NAALADL2: variants seen among roughly 807,000 people sequenced by gnomAD.
NAALADL2 encodes inactive N-acetylated-alpha-linked acidic dipeptidase-like protein 2.
A neutral mutation model predicts 87.2 loss-of-function variants in NAALADL2; 76 were observed. The observed-to-expected ratio is 0.87, with a 90% CI of 0.72 to 1.05. NAALADL2 has a LOEUF of 1.05. Ranked by LOEUF, NAALADL2 falls within the 50% of genes least tolerant of loss-of-function variation. NAALADL2 has a pLI of 0.00. For synonymous variants in NAALADL2, 354 were observed against 331.0 expected, an observed-to-expected ratio of 1.07 and a Z score of -0.75; for missense variants, 1,089 against 945.8, an observed-to-expected ratio of 1.15 and a Z score of -1.99.
At chr3:175,522,176 T>G (rs1195545662) in intron 9 of NAALADL2, among the ~76,000 whole-genome samples, 3 of 152,218 alleles carry the variant, frequency 2.0e-5, no homozygotes, top group African/African-American at 7.2e-5. Context: ...CTTTGCTTTA[T>G]TCTCTTCTAA....
At chr3:175,591,446 T>G in intron 10 of NAALADL2, among the ~76,000 whole-genome samples, 1 of 137,420 alleles carries the variant, frequency 7.3e-6, no homozygotes, top group East Asian at 1.9e-4. Context: ...CAGAAAATAA[T>G]TTTTTTTTTA....
chr3:174,557,300 C>G (rs1712955345), intron 2 of NAALADL2, among the ~76,000 whole-genome samples: 1 of 152,114 alleles, frequency 6.6e-6, no homozygotes, highest in African/African-American at 2.4e-5. Context: ...TATTTTTAAA[C>G]TACTATGAAT....
intron 5 of NAALADL2, among the ~76,000 whole-genome samples, chr3:175,434,579 CATAAA>C (rs1718312404): frequency 6.6e-6 from 1 of 151,966 alleles, no homozygotes; most frequent in African/African-American, 2.4e-5. Context: ...TAATCAGTCT[CATAAA>C]ATAATGTGTG....
chr3:175,207,441 G>A (rs1741110633), intron 2 of NAALADL2, among the ~76,000 whole-genome samples: 1 of 151,778 alleles, frequency 6.6e-6, no homozygotes, highest in Non-Finnish European at 1.5e-5. Flanking sequence ...TGGATTTTTG[G>A]AGTGACTTAC....
intron 10 of NAALADL2, among the ~76,000 whole-genome samples, chr3:175,577,524 T>G (rs1719073746): frequency 1.3e-5 from 2 of 152,154 alleles, no homozygotes; most frequent in Non-Finnish European, 2.9e-5. Flanking sequence ...GAGAAGATTT[T>G]GAAACAGGGA....
chr3:174,904,025 G>A (rs1051807450), intron 1 of NAALADL2, among the ~76,000 whole-genome samples: 3 of 149,782 alleles, frequency 2.0e-5, no homozygotes, highest in Non-Finnish European at 1.5e-5. Flanking sequence ...ATCTATTTGA[G>A]TTTCTAGATA....
intron 1 of NAALADL2, among the ~76,000 whole-genome samples, chr3:174,442,284 TG>T (rs1714712492): frequency 6.6e-6 from 1 of 152,158 alleles, no homozygotes; most frequent in Non-Finnish European, 1.5e-5. Flanking sequence ...ACTGGATTCT[TG>T]GTATTTTAAG....
chr3:175,185,384 C>G (rs897990035), intron 2 of NAALADL2, among the ~76,000 whole-genome samples: 1 of 151,412 alleles, frequency 6.6e-6, no homozygotes, highest in Non-Finnish European at 1.5e-5. Flanking sequence ...TGTAAATCAC[C>G]CTAAATAGGT....
intron 10 of NAALADL2, among the ~76,000 whole-genome samples, chr3:175,602,389 T>C (rs1723079172): frequency 6.6e-6 from 1 of 152,026 alleles, no homozygotes; most frequent in African/African-American, 2.4e-5. Flanking sequence ...CAGTGATAAG[T>C]ACTATATATC....
chr3:175,400,029 T>C (rs148928722), intron 5 of NAALADL2, among the ~76,000 whole-genome samples: 123 of 152,234 alleles, frequency 8.1e-4, no homozygotes, highest in African/African-American at 2.9e-3. Context: ...GATTTTTATT[T>C]GAAAGATAAG....
chr3:174,926,059 T>C (rs1396443044), intron 1 of NAALADL2, among the ~76,000 whole-genome samples: 4 of 152,114 alleles, frequency 2.6e-5, no homozygotes, highest in Non-Finnish European at 5.9e-5. Context: ...ATGTGAGGAA[T>C]GCACAAGCTT....
chr3:175,482,776 G>A (rs1041721999), intron 9 of NAALADL2, among the ~76,000 whole-genome samples: 2 of 151,476 alleles, frequency 1.3e-5, no homozygotes, highest in African/African-American at 2.4e-5. Flanking sequence ...TCTGATATTG[G>A]TCTGGAAAAT....
chr3:174,508,113 G>GTTTTTTT (rs1560020933), intron 1 of NAALADL2, among the ~76,000 whole-genome samples: 3 of 92,938 alleles, frequency 3.2e-5, no homozygotes, highest in East Asian at 3.2e-4. Context: ...GATATCTAGT[G>GTTTTTTT]GTTTTTTTTT....
At chr3:174,516,953 T>G (rs1445576642) in intron 1 of NAALADL2, among the ~76,000 whole-genome samples, 3 of 151,986 alleles carry the variant, frequency 2.0e-5, no homozygotes, top group Non-Finnish European at 4.4e-5. Context: ...TTGTCAGTAT[T>G]ATAATTTAAA....
At chr3:175,630,488 G>A (rs1023672166) in intron 11 of NAALADL2, among the ~76,000 whole-genome samples, 1 of 151,250 alleles carries the variant, frequency 6.6e-6, no homozygotes, top group African/African-American at 2.4e-5. Context: ...AAAAAAACTA[G>A]TATTAAAATC....
intron 5 of NAALADL2, among the ~76,000 whole-genome samples, chr3:175,393,280 C>CAAAAAAAAAAAAAAAAAAAAAAAA (rs775778803): frequency 3.4e-5 from 1 of 29,516 alleles, no homozygotes; most frequent in Non-Finnish European, 5.7e-5. Flanking sequence ...GACTCCGTCT[C>CAAAAAAAAAAAAAAAAAAAAAAAA]AAAAAAAAAA....
At chr3:175,152,890 G>A (rs1295966063) in intron 2 of NAALADL2, among the ~76,000 whole-genome samples, 1 of 151,936 alleles carries the variant, frequency 6.6e-6, no homozygotes, top group East Asian at 1.9e-4. Flanking sequence ...CTGGGCGACA[G>A]AGTGAGACTC....
intron 12 of NAALADL2, among the ~76,000 whole-genome samples, chr3:175,747,971 G>A (rs1329495772): frequency 6.6e-6 from 1 of 151,996 alleles, no homozygotes; most frequent in African/African-American, 2.4e-5. Flanking sequence ...TGGCTACCTG[G>A]ATTATTGGAT....
intron 13 of NAALADL2, among the ~76,000 whole-genome samples, chr3:175,785,938 G>T (rs1407650834): frequency 6.6e-6 from 1 of 151,124 alleles, no homozygotes; most frequent in South Asian, 2.1e-4. Flanking sequence ...TGTCTGTAAA[G>T]TATTTTATTT....
Sources: allele counts gnomAD v4.1 joint callset (sites outside exome capture counted in the v4.1 genomes callset), GRCh38; gene constraint gnomAD v4.1.1; transcripts MANE v1.5; gene names NCBI Gene and HGNC (gene_info 2026-07-23, HGNC 2026-07-21).